HCN1: variants seen among roughly 807,000 people sequenced by gnomAD.
The protein encoded by HCN1 is potassium/sodium hyperpolarization-activated cyclic nucleotide-gated channel 1.
In HCN1, 13 loss-of-function variants were observed where a neutral mutation model predicts 78.9. The observed-to-expected ratio is 0.16, with a 90% confidence interval of 0.11 to 0.26. The LOEUF (loss-of-function observed/expected upper bound fraction) is 0.26. HCN1 is among the 10% of genes least tolerant of loss of function. The pLI is 1.00. For missense variants in HCN1, 810 were observed against 1,154.3 expected, an observed-to-expected ratio of 0.70 and a Z score of 4.32; for synonymous variants, 552 against 455.5, an observed-to-expected ratio of 1.21 and a Z score of -2.70.
At chr5:45,374,619 G>A (rs1365367176) in intron 4 of HCN1, among the ~76,000 whole-genome samples, 2 of 150,096 alleles carry the variant, frequency 1.3e-5, no homozygotes, top group African/African-American at 4.9e-5. Context: ...AAAAACTTGG[G>A]GAGGGACTCC....
chr5:45,305,343 T>C (rs1483270443), intron 5 of HCN1, among the ~76,000 whole-genome samples: 2 of 152,180 alleles, frequency 1.3e-5, no homozygotes, highest in African/African-American at 4.8e-5. Flanking sequence ...AGGTGTTTCA[T>C]CCTGAACAAT....
chr5:45,422,404 G>A (rs777069752), intron 3 of HCN1, among the ~76,000 whole-genome samples: 13 of 152,056 alleles, frequency 8.5e-5, no homozygotes, highest in African/African-American at 1.2e-4. Context: ...GAATCTTGCC[G>A]TGGGTGAGGA....
rs2111985299 is a variant in HCN1, at chr5:45,615,147, T to C, written c.849+30038A>G. Among the ~76,000 whole-genome samples, 2 of 152,134 alleles carry C rather than the reference T, an allele frequency of 1.3e-5. 1 individual carries two copies. Among genetic ancestry groups the C allele is most frequent in the Middle Eastern group, 6.8e-3 (2 of 294 alleles). On this transcript the variant is annotated intron_variant, in intron 2 of 7. Coordinates refer to ENST00000303230, the MANE Select transcript of HCN1 (RefSeq NM_021072.4). ...TTCATTCTAAGCAAGATGATATAAA[T>C]AACAATGAGTAGTCAAGTATTTATT...
intron 4 of HCN1, among the ~76,000 whole-genome samples, chr5:45,373,388 G>A (rs1317445188): frequency 2.9e-5 from 3 of 104,404 alleles, no homozygotes; most frequent in Non-Finnish European, 5.0e-5. Flanking sequence ...TATAATATAT[G>A]TAAATATATA....
At chr5:45,447,318 C>T (rs573242076) in intron 3 of HCN1, among the ~76,000 whole-genome samples, 18 of 152,290 alleles carry the variant, frequency 1.2e-4, no homozygotes, top group Admixed American at 2.0e-4. Flanking sequence ...TCTTGGCTCA[C>T]TGTAACCACA....
intron 2 of HCN1, among the ~76,000 whole-genome samples, chr5:45,641,350 T>C (rs978806153): frequency 1.3e-5 from 2 of 152,170 alleles, no homozygotes; most frequent in African/African-American, 4.8e-5. Flanking sequence ...ATAATTTGTA[T>C]ATTAAACTAT....
chr5:45,587,476 A>C (rs989613833), intron 2 of HCN1, among the ~76,000 whole-genome samples: 1 of 150,626 alleles, frequency 6.6e-6, no homozygotes, highest in South Asian at 2.1e-4. Context: ...GCATGTTCTC[A>C]CTCACAGGTG....
chr5:45,313,218 T>A (rs1210629922), intron 5 of HCN1, among the ~76,000 whole-genome samples: 1 of 152,128 alleles, frequency 6.6e-6, no homozygotes, highest in African/African-American at 2.4e-5. Flanking sequence ...CAATATTCGA[T>A]GTTCTGCAGC....
chr5:45,292,431 A>T (rs1002248456), intron 6 of HCN1, among the ~76,000 whole-genome samples: 1 of 152,052 alleles, frequency 6.6e-6, no homozygotes, highest in Non-Finnish European at 1.5e-5. Flanking sequence ...CATTTTCATC[A>T]CAACAGAAAG....
In HCN1 at chr5:45,260,266, G is replaced by C. The variant is rs990898236; in HGVS notation, c.*1655C>G. On this transcript the variant is annotated 3_prime_UTR_variant, in exon 8 of 8. Transcript: ENST00000303230. ...CACTTTAAGTCATGCTCTTAACTTG[G>C]GTTATTTACCGCAGCCAGTTGTTAG... is the stretch of plus-strand genomic sequence containing the variant. The C allele has an allele frequency of 6.6e-6, 1 of 152,134 alleles. No homozygotes were observed. Among genetic ancestry groups the C allele is most frequent in the East Asian group, 1.9e-4 (1 of 5,192 alleles). The allele number at this position is 152,134 out of a possible 1,614,324, so 9.4% of individuals were successfully genotyped here. A position where few individuals can be genotyped will look rare whatever the true frequency, so the allele number is the denominator to read the frequency against.
At chr5:45,430,844 C>T (rs555691245) in intron 3 of HCN1, among the ~76,000 whole-genome samples, 1 of 152,180 alleles carries the variant, frequency 6.6e-6, no homozygotes, top group South Asian at 2.1e-4. Flanking sequence ...AATTACTCCA[C>T]TATTCATGGG....
At chr5:45,373,710 A>T (rs1472609993) in intron 4 of HCN1, among the ~76,000 whole-genome samples, 1 of 121,502 alleles carries the variant, frequency 8.2e-6, no homozygotes, top group Non-Finnish European at 1.7e-5. Context: ...TACGTCATCT[A>T]TAATATATTA....
At position 45,432,744 on chromosome 5, in the gene HCN1, C is replaced by T. The variant is rs1163967286; in HGVS notation, c.1011+29102G>A. On this transcript the variant is annotated intron_variant, in intron 3 of 7. Transcript: ENST00000303230. Reference sequence around the variant, plus strand: ...TTTTCTGCATATATTGAGATAATCACGTGGTTCTTGTTTTTAGTTCTATTT... The same window carrying T: ...TTTTCTGCATATATTGAGATAATCATGTGGTTCTTGTTTTTAGTTCTATTT... Among the ~76,000 whole-genome samples the T allele has an allele frequency of 7.2e-5, 11 of 152,064 alleles. 1 individual carries two copies. The Middle Eastern group carries it at 0.027, about 376-fold the overall frequency.
intron 2 of HCN1, among the ~76,000 whole-genome samples, chr5:45,554,645 G>A (rs138778053): frequency 6.6e-6 from 1 of 151,738 alleles, no homozygotes; most frequent in African/African-American, 2.4e-5. Context: ...TCCAACCTGT[G>A]GGGATTCAGG....
chr5:45,304,940 A>G (rs1316379519), intron 5 of HCN1, among the ~76,000 whole-genome samples: 1 of 152,142 alleles, frequency 6.6e-6, no homozygotes, highest in Non-Finnish European at 1.5e-5. Flanking sequence ...ATGGAACCAA[A>G]CATTTTTAAT....
At chr5:45,647,470 G>A (rs1176830054) in intron 1 of HCN1, among the ~76,000 whole-genome samples, 3 of 151,966 alleles carry the variant, frequency 2.0e-5, no homozygotes, top group Non-Finnish European at 4.4e-5. Context: ...CCCCTTCAAG[G>A]CTGTTGTTCC....
intron 4 of HCN1, among the ~76,000 whole-genome samples, chr5:45,372,998 A>C (rs1400902976): frequency 1.4e-5 from 2 of 139,278 alleles, no homozygotes; most frequent in African/African-American, 5.2e-5. Context: ...ATATATAAAA[A>C]TAAAATTATA....
At chr5:45,448,207 C>A (rs1012323607) in intron 3 of HCN1, among the ~76,000 whole-genome samples, 1 of 152,036 alleles carries the variant, frequency 6.6e-6, no homozygotes, top group Non-Finnish European at 1.5e-5. Flanking sequence ...ATTAAAGATC[C>A]TGTGCAATCA....
At chr5:45,361,196 G>A (rs191858963) in intron 4 of HCN1, among the ~76,000 whole-genome samples, 35 of 152,070 alleles carry the variant, frequency 2.3e-4, no homozygotes, top group Admixed American at 7.2e-4. Flanking sequence ...GCATCTCCAC[G>A]CCCAGCTAAT....
Sources: gnomAD v4.1 joint callset for allele counts (sites outside exome capture counted in the v4.1 genomes callset) on GRCh38, gnomAD v4.1.1 for gene constraint, MANE v1.5 for transcripts, NCBI Gene and HGNC (gene_info 2026-07-23, HGNC 2026-07-21) for gene names.